CD68: variants seen among roughly 807,000 people sequenced by gnomAD.
The protein encoded by CD68 is macrosialin.
Under a neutral mutation model 31.3 loss-of-function variants are expected in CD68, and 24 were observed. The ratio of observed to expected loss-of-function variants is 0.77; its 90% CI spans 0.55 to 1.08. CD68 has a LOEUF of 1.08. Among genes scored for constraint, CD68 ranks in the 50% least tolerant of loss-of-function variants. The pLI, the probability that CD68 is intolerant of heterozygous loss-of-function variation, is 0.00. For synonymous variants in CD68, 190 were observed against 179.6 expected (o/e 1.06, Z -0.46); for missense variants, 461 against 442.5 (o/e 1.04, Z -0.38).
At position 7,580,025 on chromosome 17, in the gene CD68, G is replaced by C; in HGVS notation, c.265G>C (p.Val89Leu). Residue 89 changes from valine (V) to leucine (L), a missense_variant, in exon 2 of 6, where the codon GTC becomes CTC. Coordinates refer to ENST00000250092, the MANE Select transcript of CD68 (RefSeq NM_001251.3). This position sits in a 1 kb window ranked among gnomAD's most constrained non-coding sequence, Gnocchi z 4.3. ...CCCCACCACCACCAGCCATGGAAAC[G>C]TCACAGTTCATCCAACAAGCAATAG... ...HNPTTTSHGN[V>L]TVHPTSNSTA... 6.2e-7 allele frequency: 1 copy of C among 1,613,834 alleles called. No homozygotes were observed. Among genetic ancestry groups the C allele is most frequent in the Non-Finnish European group, 8.5e-7 (1 of 1,179,936 alleles).
At position 7,580,705 on chromosome 17, in the gene CD68, C is replaced by T. The variant is rs1237939301; in HGVS notation, c.688-6C>T. The stretch of plus-strand genomic sequence containing the variant: ...TACCACCTGCGCCTTCCTCTTCGCC[C>T]CACAGGACCTCCAGCAGAAGGTTGT... On this transcript the variant is annotated splice_polypyrimidine_tract_variant and splice_region_variant and intron_variant, in intron 3 of 5. Coordinates refer to ENST00000250092, the MANE Select transcript of CD68 (RefSeq NM_001251.3). This position sits in a 1 kb window ranked among gnomAD's most constrained non-coding sequence, Gnocchi z 4.3. 6.2e-7 allele frequency: 1 copy of T among 1,614,076 alleles called. No individual in the cohort carries two copies. The highest frequency in any genetic ancestry group is 1.1e-5 in the South Asian group (1 of 91,082).
At position 7,579,846 on chromosome 17, in the gene CD68, C is replaced by T. The variant is rs1220441812; in HGVS notation, c.86C>T (p.Ser29Leu). Reference sequence around the variant, plus strand: ...GGGAATGACTGTCCTCACAAAAAATCAGCTACTTTGCTGCCATCCTTCACG... The same window carrying T: ...GGGAATGACTGTCCTCACAAAAAATTAGCTACTTTGCTGCCATCCTTCACG... ...GTGNDCPHKKSATLLPSFTVT... is the reference protein window; with the variant it reads ...GTGNDCPHKKLATLLPSFTVT... The change falls in exon 2 of 6, where the codon TCA becomes TTA. Residue 29 changes from serine to leucine, a missense_variant. Ser to Leu is a moderately radical substitution (Grantham distance 145). Coordinates refer to ENST00000250092, the MANE Select transcript of CD68 (RefSeq NM_001251.3). 3.1e-6 allele frequency: 5 copies of T among 1,613,868 alleles called. No individual in the cohort carries two copies. The highest frequency in any genetic ancestry group is 2.2e-5 in the East Asian group (1 of 44,886).
In CD68 at chr17:7,580,098, C is replaced by A. The variant is rs1338316331; in HGVS notation, c.338C>A (p.Thr113Asn). ...TCAACTGCCACTCACAGTCCTGCCA[C>A]CACTAGTCATGGAAATGCCACGGTT... ...GPSTATHSPA[T>N]TSHGNATVHP... is the part of the protein sequence containing the mutation. Residue 113 changes from threonine to asparagine, a missense_variant, in exon 2 of 6, where the codon ACC becomes AAC. Physicochemically the swap from Thr to Asn is moderately conservative, Grantham distance 65. Transcript: ENST00000250092. This position sits in a 1 kb window ranked among gnomAD's most constrained non-coding sequence, Gnocchi z 4.3. 1 of 1,614,026 alleles carries A rather than the reference C, an allele frequency of 6.2e-7. No homozygotes were observed. Among genetic ancestry groups the A allele is most frequent in the African/African-American group, 1.3e-5 (1 of 74,906 alleles).
At chr17:7,581,336 GCACGT>G (rs1026009055) in intron 5 of CD68, 37 bp from the exon 6 acceptor site, 1 of 1,612,898 alleles carries the variant, frequency 6.2e-7, no homozygotes, top group African/African-American at 1.3e-5. Context: ...ATCCCAACCA[GCACGT>G]CACTGCAAAT....
chr17:7,581,696 T>G lies in CD68; in HGVS notation c.*185T>G, dbSNP rs1597856837. The G allele has an allele frequency of 1.7e-6, 1 of 601,892 alleles. No homozygotes were observed. The highest frequency in any genetic ancestry group is 2.9e-6 in the Non-Finnish European group (1 of 348,970). The allele number at this position is 601,892 out of a possible 1,614,324, so 37.3% of individuals were successfully genotyped here. ...CAGCACTTTGGGAGGCTGAGGCAGGTGGATCACTGGAGGTCAGGAGTTTGA... is the reference window on the plus strand; with the variant it reads ...CAGCACTTTGGGAGGCTGAGGCAGGGGGATCACTGGAGGTCAGGAGTTTGA... On this transcript the variant is annotated 3_prime_UTR_variant, in exon 6 of 6. Transcript: ENST00000250092.
At position 7,580,967 on chromosome 17, in the gene CD68, A is replaced by G; in HGVS notation, c.832A>G (p.Ser278Gly). 6.2e-7 allele frequency: 1 copy of G among 1,613,938 alleles called. No individual in the cohort carries two copies. The highest frequency in any genetic ancestry group is 8.5e-7 in the Non-Finnish European group (1 of 1,179,924). ...QAPLGQSFSCSNSSIILSPAV... is the reference protein window; with the variant it reads ...QAPLGQSFSCGNSSIILSPAV... ...ACCCCTGGGGCAGAGCTTCAGTTGC[A>G]GCAACTCGAGCATCATTCTTTCACC... is the stretch of plus-strand genomic sequence containing the variant. The change falls in exon 5 of 6, where the codon AGC becomes GGC. Residue 278 changes from serine to glycine, a missense_variant. Physicochemically the swap from Ser to Gly is moderately conservative, Grantham distance 56 (BLOSUM62 0). Coordinates refer to ENST00000250092, the MANE Select transcript of CD68 (RefSeq NM_001251.3). The surrounding 1 kb of genome is among the most constrained non-coding windows in gnomAD (Gnocchi z 4.3).
rs755114397 is a variant in CD68, at chr17:7,580,200, C to T, written c.440C>T (p.Pro147Leu). The part of the protein sequence containing the change: ...SAHPEPPPPS[P>L]SPSPTSKETI... ...CACCCAGAACCACCTCCACCCTCTCCGAGTCCTAGCCCAACCTCCAAGGAG... is the reference window on the plus strand; with the variant it reads ...CACCCAGAACCACCTCCACCCTCTCTGAGTCCTAGCCCAACCTCCAAGGAG... The change falls in exon 2 of 6, where the codon CCG (proline) becomes CTG (leucine). Residue 147 changes from proline (P) to leucine (L), a missense_variant. By Grantham distance (98) the Pro-to-Leu change is moderately conservative. Coordinates refer to ENST00000250092, the MANE Select transcript of CD68 (RefSeq NM_001251.3). The surrounding 1 kb of genome is among the most constrained non-coding windows in gnomAD (Gnocchi z 4.3). 5.6e-6 allele frequency: 9 copies of T among 1,613,982 alleles called. No homozygotes were observed. Among genetic ancestry groups the T allele is most frequent in the African/African-American group, 5.3e-5 (4 of 74,890 alleles).
Position 7,580,097 on chromosome 17 carries a change from A to C in CD68, c.337A>C (p.Thr113Pro). ...CTCAACTGCCACTCACAGTCCTGCC[A>C]CCACTAGTCATGGAAATGCCACGGT... is the stretch of plus-strand genomic sequence containing the variant. ...GPSTATHSPA[T>P]TSHGNATVHP... The change falls in exon 2 of 6, where the codon ACC becomes CCC. Residue 113 changes from threonine to proline, a missense_variant. Transcript: ENST00000250092. The surrounding 1 kb of genome is among the most constrained non-coding windows in gnomAD (Gnocchi z 4.3). The C allele has an allele frequency of 6.2e-7, 1 of 1,613,966 alleles. No individual in the cohort carries two copies. Among genetic ancestry groups the C allele is most frequent in the South Asian group, 1.1e-5 (1 of 91,052 alleles).
chr17:7,579,648 T>C lies in CD68; in HGVS notation c.-30T>C. On this transcript the variant is annotated 5_prime_UTR_variant, in exon 1 of 6. Transcript: ENST00000250092. ...GGTTGAGCAACTGGTGCAGACAGCC[T>C]AGCTGGACTTTGGGTGAGGCGGTTC... 1 of 1,596,092 alleles carries C rather than the reference T, an allele frequency of 6.3e-7. No individual in the cohort carries two copies.
chr17:7,580,654 G>T lies in CD68; in HGVS notation c.688-57G>T. ...CGCCCCTCCCCTCCCAATCCCACAC[G>T]CTACTCCTTCCTCTGTGGAGAGGGA... is the stretch of plus-strand genomic sequence containing the variant. On this transcript the variant is annotated intron_variant, in intron 3 of 5. Transcript: ENST00000250092. The surrounding 1 kb of genome is among the most constrained non-coding windows in gnomAD (Gnocchi z 4.3). The T allele has an allele frequency of 6.2e-7, 1 of 1,613,354 alleles. No individual in the cohort carries two copies. Among genetic ancestry groups the T allele is most frequent in the Middle Eastern group, 1.7e-4 (1 of 6,056 alleles).
rs542221007 is a variant in CD68 at position 7,580,312 on chromosome 17, C to A, written c.552C>A (p.Thr184=). ...AQIQIRVMYT[T]QGGGEAWGIS... is the part of the protein sequence containing the mutation. Reference sequence around the variant, plus strand: ...TTCAGATTCGAGTCATGTACACAACCCAGGGTGGAGGAGAGGTAAAGCTAA... The same window carrying A: ...TTCAGATTCGAGTCATGTACACAACACAGGGTGGAGGAGAGGTAAAGCTAA... Residue 184 remains threonine, a synonymous_variant, in exon 2 of 6, where the codon ACC becomes ACA. Transcript: ENST00000250092. This position sits in a 1 kb window ranked among gnomAD's most constrained non-coding sequence, Gnocchi z 4.3. The A allele has an allele frequency of 4.3e-6, 7 of 1,613,086 alleles. No individual in the cohort carries two copies. In the South Asian group the frequency reaches 7.7e-5, roughly 18 times the overall value.
In CD68 at chr17:7,580,880, T is replaced by A. The variant is rs571350956; in HGVS notation, c.761-16T>A. ...CAGGGAGGTGGATAGGATCTGACCC[T>A]TCCTCACTCCTCCAGAGTGGACATT... On this transcript the variant is annotated splice_polypyrimidine_tract_variant and intron_variant, in intron 4 of 5. Coordinates refer to ENST00000250092, the MANE Select transcript of CD68 (RefSeq NM_001251.3). This position sits in a 1 kb window ranked among gnomAD's most constrained non-coding sequence, Gnocchi z 4.3. 10 of 1,613,952 alleles carry A rather than the reference T, an allele frequency of 6.2e-6. No individual in the cohort carries two copies. In the African/African-American group the frequency reaches 8.0e-5, roughly 13 times the overall value.
At position 7,580,419 on chromosome 17, in the gene CD68, C is replaced by T. The variant is rs201340073; in HGVS notation, c.568-47C>T. ...GGAAGAGGGGACAGGGAACCTTGGC[C>T]GGCATCGCATGCAGTCTTGTGACCT... On this transcript the variant is annotated intron_variant, in intron 2 of 5. Transcript: ENST00000250092. The surrounding 1 kb of genome is among the most constrained non-coding windows in gnomAD (Gnocchi z 4.3). The T allele has an allele frequency of 1.4e-5, 23 of 1,611,492 alleles. No homozygotes were observed. The highest frequency in any genetic ancestry group is 1.2e-4 in the African/African-American group (9 of 74,954).
Position 7,580,603 on chromosome 17 carries a change from G to A in CD68, c.687+18G>A. On this transcript the variant is annotated intron_variant, in intron 3 of 5. Coordinates refer to ENST00000250092, the MANE Select transcript of CD68 (RefSeq NM_001251.3). The surrounding 1 kb of genome is among the most constrained non-coding windows in gnomAD (Gnocchi z 4.3). ...TCATGCAGGTATAGCCATGACCTCAGTCTCACCCCTCACTCAGCCTCCCGG... is the reference window on the plus strand; with the variant it reads ...TCATGCAGGTATAGCCATGACCTCAATCTCACCCCTCACTCAGCCTCCCGG... 4.3e-6 allele frequency: 7 copies of A among 1,613,856 alleles called. No homozygotes were observed. The highest frequency in any genetic ancestry group is 5.9e-6 in the Non-Finnish European group (7 of 1,179,888).
rs770159428 is a variant in CD68, at chr17:7,581,485, C to T, written c.1039C>T (p.Arg347Cys). ...TATTGCTTTCTGCATCATCCGGAGA[C>T]GCCCATCCGCCTACCAGGCCCTCTG... ...VLIAFCIIRR[R>C]PSAYQAL The change falls in exon 6 of 6, where the codon CGC becomes TGC. Residue 347 changes from arginine (R) to cysteine (C), a missense_variant. Coordinates refer to ENST00000250092, the MANE Select transcript of CD68 (RefSeq NM_001251.3). The T allele has an allele frequency of 2.2e-5, 35 of 1,614,066 alleles. No individual in the cohort carries two copies. The highest frequency in any genetic ancestry group is 1.6e-4 in the Middle Eastern group (1 of 6,082).
rs369580940 is a variant in CD68, at chr17:7,579,857, C to G, written c.97C>G (p.Leu33Val). 2 of 1,614,044 alleles carry G rather than the reference C, an allele frequency of 1.2e-6. No individual in the cohort carries two copies. The highest frequency in any genetic ancestry group is 1.7e-6 in the Non-Finnish European group (2 of 1,179,988). ...TCCTCACAAAAAATCAGCTACTTTG[C>G]TGCCATCCTTCACGGTGACACCCAC... is the stretch of plus-strand genomic sequence containing the variant. Reference protein sequence around the residue: ...DCPHKKSATLLPSFTVTPTVT... With the variant: ...DCPHKKSATLVPSFTVTPTVT... Residue 33 changes from leucine to valine, a missense_variant, in exon 2 of 6, where the codon CTG (leucine) becomes GTG (valine). Transcript: ENST00000250092.
rs757957687 is a variant in CD68, at chr17:7,579,964, C to A, written c.204C>A (p.Gly68=). The stretch of plus-strand genomic sequence containing the variant: ...CCACTCACAGGACAACCACCACAGG[C>A]ACCACCAGCCACGGACCCACGACTG... ...KTTTHRTTTT[G]TTSHGPTTAT... Residue 68 remains glycine (G), a synonymous_variant, in exon 2 of 6, where the codon GGC becomes GGA. Transcript: ENST00000250092. 6.2e-7 allele frequency: 1 copy of A among 1,613,946 alleles called. No homozygotes were observed. Among genetic ancestry groups the A allele is most frequent in the East Asian group, 2.2e-5 (1 of 44,876 alleles).
intron 5 of CD68, 141 bp from the exon 6 acceptor site, chr17:7,581,237 T>TC: frequency 8.3e-7 from 1 of 1,204,732 alleles, no homozygotes; most frequent in South Asian, 1.3e-5. Context: ...TCTGCCAGTT[T>TC]CCCCCTTTTA....
rs749922298 is a variant in CD68, at chr17:7,580,883, C to T, written c.761-13C>T. 3.7e-6 allele frequency: 6 copies of T among 1,613,992 alleles called. No homozygotes were observed. In the South Asian group the frequency reaches 5.5e-5, roughly 15 times the overall value. On this transcript the variant is annotated splice_polypyrimidine_tract_variant and intron_variant, in intron 4 of 5. Transcript: ENST00000250092. The surrounding 1 kb of genome is among the most constrained non-coding windows in gnomAD (Gnocchi z 4.3). ...GGAGGTGGATAGGATCTGACCCTTCCTCACTCCTCCAGAGTGGACATTCTC... is the reference window on the plus strand; with the variant it reads ...GGAGGTGGATAGGATCTGACCCTTCTTCACTCCTCCAGAGTGGACATTCTC...
Sources: allele counts gnomAD v4.1 joint callset, GRCh38; gene constraint gnomAD v4.1.1; non-coding constraint Gnocchi (gnomAD v3.1); transcripts MANE v1.5; gene names NCBI Gene and HGNC (gene_info 2026-07-23, HGNC 2026-07-21).